The following VTI1A variants were observed in gnomAD, a reference collection of about 807,000 sequenced individuals.
VTI1A encodes vesicle transport through interaction with t-SNAREs 1A, also known as vesicle transport through interaction with t-SNAREs homolog 1A.
A neutral mutation model predicts 34.9 loss-of-function variants in VTI1A; 22 were observed. The ratio of observed to expected loss-of-function variants is 0.63; its 90% CI spans 0.45 to 0.90. The LOEUF is 0.90. Ranked by LOEUF, VTI1A falls within the 40% of genes least tolerant of loss-of-function variation. The pLI is 0.00. For synonymous variants in VTI1A, 87 were observed against 97.3 expected (o/e 0.89, Z 0.62); for missense variants, 268 against 275.6 (o/e 0.97, Z 0.20).
intron 5 of VTI1A, among the ~76,000 whole-genome samples, chr10:112,562,458 T>G (rs997942250): frequency 6.6e-6 from 1 of 152,114 alleles, no homozygotes; most frequent in Non-Finnish European, 1.5e-5. Context: ...AGTGCTATAT[T>G]TTCCTAAGTA....
rs144557384 is a variant in VTI1A, at chr10:112,800,673, G to A, written c.561-14617G>A. The stretch of plus-strand genomic sequence containing the variant: ...AAGCAGAGCGTTGATTCTTTGGAGC[G>A]TGCCAATTCCTTATATTGGTACTGT... On this transcript the variant is annotated intron_variant, in intron 7 of 7. Transcript: ENST00000393077. Among the ~76,000 whole-genome samples the A allele has an allele frequency of 4.6e-3, 696 of 152,272 alleles. 5 individuals carry two copies. In the Middle Eastern group the frequency reaches 0.061, roughly 13 times the overall value.
At chr10:112,737,715 G>A in intron 7 of VTI1A, 1 of 1,058,530 alleles carries the variant, frequency 9.4e-7, no homozygotes, top group Middle Eastern at 4.2e-4. Flanking sequence ...GACCTACAGT[G>A]ATCTGGAAAA....
chr10:112,810,654 G>A (rs1287111443), intron 7 of VTI1A, among the ~76,000 whole-genome samples: 1 of 152,162 alleles, frequency 6.6e-6, no homozygotes. Context: ...CAGTTACCAT[G>A]GCCAGGGGCA....
intron 5 of VTI1A, among the ~76,000 whole-genome samples, chr10:112,554,941 C>T (rs1195496701): frequency 6.6e-6 from 1 of 152,128 alleles, no homozygotes; most frequent in East Asian, 1.9e-4. Context: ...TCCCAACGTT[C>T]ATGTGGTCTA....
At chr10:112,659,135 TGA>T (rs1847350965) in intron 5 of VTI1A, among the ~76,000 whole-genome samples, 1 of 152,210 alleles carries the variant, frequency 6.6e-6, no homozygotes, top group Non-Finnish European at 1.5e-5. Flanking sequence ...TTTTTTAGAA[TGA>T]GTAATTCATT....
rs182262679 is a variant in VTI1A at position 112,817,681 on chromosome 10, G to A, written c.*2298G>A. On this transcript the variant is annotated 3_prime_UTR_variant, in exon 8 of 8. Coordinates refer to ENST00000393077, the MANE Select transcript of VTI1A (RefSeq NM_145206.4). The stretch of plus-strand genomic sequence containing the variant: ...GAAAAGACTTAGGGGATCCCCAGCA[G>A]AGGCCAATTGCTCTCCTTCCTTCCC... 2.4e-4 allele frequency: 54 copies of A among 229,284 alleles called. No homozygotes were observed. The highest frequency in any genetic ancestry group is 1.1e-3 in the African/African-American group (49 of 45,274). The allele number at this position is 229,284 out of a possible 1,614,324, so 14.2% of individuals were successfully genotyped here. A position where few individuals can be genotyped will look rare whatever the true frequency, so the allele number is the denominator to read the frequency against.
At chr10:112,459,731 G>A (rs548833994) in intron 1 of VTI1A, among the ~76,000 whole-genome samples, 1 of 152,244 alleles carries the variant, frequency 6.6e-6, no homozygotes, top group South Asian at 2.1e-4. Flanking sequence ...CTGGAATGAG[G>A]GTATGGGAAA....
chr10:112,506,573 A>G (rs1306681347), intron 3 of VTI1A, among the ~76,000 whole-genome samples: 1 of 152,164 alleles, frequency 6.6e-6, no homozygotes. Context: ...CTGGAATTCC[A>G]TTCACCTGTC....
chr10:112,780,344 C>T (rs1044045088), intron 7 of VTI1A, among the ~76,000 whole-genome samples: 1 of 150,844 alleles, frequency 6.6e-6, no homozygotes, highest in African/African-American at 2.4e-5. Flanking sequence ...TACCTATATG[C>T]CTAGAATTTT....
chr10:112,764,268 C>T (rs773558294), intron 7 of VTI1A, among the ~76,000 whole-genome samples: 1 of 152,088 alleles, frequency 6.6e-6, no homozygotes, highest in Non-Finnish European at 1.5e-5. Context: ...TCAGTGCCTG[C>T]GGTACTTGAT....
At chr10:112,728,357 A>C (rs1427246511) in intron 7 of VTI1A, among the ~76,000 whole-genome samples, 1 of 152,216 alleles carries the variant, frequency 6.6e-6, no homozygotes, top group East Asian at 1.9e-4. Flanking sequence ...GTGAGCTATA[A>C]ATTTTGTGGA....
intron 5 of VTI1A, among the ~76,000 whole-genome samples, chr10:112,587,948 G>T (rs773068285): frequency 6.6e-6 from 1 of 151,344 alleles, no homozygotes; most frequent in South Asian, 2.1e-4. Context: ...ATGCTTTGTT[G>T]GTTTTAGTAA....
chr10:112,791,183 G>GC (rs1431573707), intron 7 of VTI1A, among the ~76,000 whole-genome samples: 1 of 152,180 alleles, frequency 6.6e-6, no homozygotes, highest in African/African-American at 2.4e-5. Context: ...GAAGAAAAAT[G>GC]CCCTAGTCAT....
At chr10:112,758,879 C>T (rs971103887) in intron 7 of VTI1A, among the ~76,000 whole-genome samples, 1 of 152,216 alleles carries the variant, frequency 6.6e-6, no homozygotes, top group African/African-American at 2.4e-5. Context: ...AGGCATCTTC[C>T]TTTCGAAACC....
chr10:112,701,658 A>T (rs1849014937), intron 7 of VTI1A, among the ~76,000 whole-genome samples: 1 of 152,208 alleles, frequency 6.6e-6, no homozygotes, highest in East Asian at 1.9e-4. Context: ...AGCAGAAGTT[A>T]TGAAGTGAGA....
chr10:112,581,078 A>AGAATAGTAT (rs1843911158), intron 5 of VTI1A, among the ~76,000 whole-genome samples: 2 of 152,144 alleles, frequency 1.3e-5, no homozygotes, highest in South Asian at 4.1e-4. Context: ...TATGGATCAC[A>AGAATAGTAT]CCAGTGGGCT....
At chr10:112,579,330 T>A (rs899051373) in intron 5 of VTI1A, among the ~76,000 whole-genome samples, 11 of 152,218 alleles carry the variant, frequency 7.2e-5, no homozygotes, top group Non-Finnish European at 1.6e-4. Flanking sequence ...TGAATAAGCA[T>A]AAAATAAAAA....
intron 3 of VTI1A, among the ~76,000 whole-genome samples, chr10:112,510,731 A>G (rs1849579649): frequency 1.3e-5 from 2 of 152,230 alleles, no homozygotes; most frequent in African/African-American, 2.4e-5. Flanking sequence ...TTTAAATGCT[A>G]TGGAATACTC....
intron 5 of VTI1A, among the ~76,000 whole-genome samples, chr10:112,613,796 G>A (rs1211155618): frequency 6.6e-6 from 1 of 152,226 alleles, no homozygotes; most frequent in Non-Finnish European, 1.5e-5. Flanking sequence ...GCCAGGGCAA[G>A]CCCTGCTGCC....
Sources: allele counts gnomAD v4.1 joint callset (sites outside exome capture counted in the v4.1 genomes callset), GRCh38; gene constraint gnomAD v4.1.1; transcripts MANE v1.5; gene names NCBI Gene and HGNC (gene_info 2026-07-23, HGNC 2026-07-21).